Variants in SRSF5 observed in about 807,000 individuals in gnomAD.
The protein encoded by SRSF5 is serine and arginine rich splicing factor 5, also known as serine/arginine-rich splicing factor 5.
A neutral mutation model predicts 34.0 loss-of-function variants in SRSF5; 5 were observed. The observed-to-expected ratio is 0.15, with a 90% CI of 0.08 to 0.31. The LOEUF (loss-of-function observed/expected upper bound fraction) is 0.31, where lower values mean the gene tolerates loss of function less well. Ranked by LOEUF, SRSF5 falls within the 10% of genes least tolerant of loss-of-function variation. The pLI is 1.00. For missense variants in SRSF5, 223 were observed against 351.4 expected, an observed-to-expected ratio of 0.63 and a Z score of 2.92; for synonymous variants, 164 against 117.7, an observed-to-expected ratio of 1.39 and a Z score of -2.55.
In SRSF5 at chr14:69,768,788, C is replaced by T. The variant is rs776100064; in HGVS notation, c.198-10C>T. 3 of 1,613,812 alleles carry T rather than the reference C, an allele frequency of 1.9e-6. No homozygotes were observed. Among genetic ancestry groups the T allele is most frequent in the Non-Finnish European group, 2.5e-6 (3 of 1,179,812 alleles). On this transcript the variant is annotated splice_polypyrimidine_tract_variant and intron_variant, in intron 3 of 7. Transcript: ENST00000557154. The stretch of plus-strand genomic sequence containing the variant: ...AGTGTGTAACGGAGATTTTTCTTCC[C>T]TTTTTGTAGGGTTACTATTGAACAT...
chr14:69,768,140 A>T lies in SRSF5; in HGVS notation c.-17A>T. 1 of 1,614,092 alleles carries T rather than the reference A, an allele frequency of 6.2e-7. No individual in the cohort carries two copies. The highest frequency in any genetic ancestry group is 8.5e-7 in the Non-Finnish European group (1 of 1,179,974). ...TCGATTGAATTACTTTCTAATAGGA[A>T]GTACTAGCCGGACATCATGAGTGGC... On this transcript the variant is annotated splice_region_variant and 5_prime_UTR_variant, in exon 2 of 8. In the 5' UTR this introduces an upstream ATG that the reference lacks. Transcript: ENST00000557154.
chr14:69,770,370 C>T (rs1340334203), intron 5 of SRSF5, 97 bp from the exon 6 acceptor site: 1 of 1,515,344 alleles, frequency 6.6e-7, no homozygotes, highest in African/African-American at 1.4e-5. Flanking sequence ...CTTTATCTAA[C>T]ATCTTCTCTT....
At position 69,771,582 on chromosome 14, in the gene SRSF5, G is replaced by C. The variant is rs1189667794; in HGVS notation, c.*121G>C. On this transcript the variant is annotated 3_prime_UTR_variant, in exon 8 of 8. Coordinates refer to ENST00000557154, the MANE Select transcript of SRSF5 (RefSeq NM_001320214.2). ...TTTTCTGTGGGGGTGGGATTTGGAA[G>C]GGGGGTTGGGTTGGGCTGGATATCT... is the stretch of plus-strand genomic sequence containing the variant. 6.6e-6 allele frequency: 7 copies of C among 1,065,318 alleles called. No individual in the cohort carries two copies. The Admixed American group carries it at 1.9e-4, about 30-fold the overall frequency. The allele number at this position is 1,065,318 out of a possible 1,614,324, so 66.0% of individuals were successfully genotyped here.
chr14:69,769,116 C>T (rs1882908158), intron 4 of SRSF5, 66 bp from the exon 5 acceptor site: 5 of 1,577,794 alleles, frequency 3.2e-6, no homozygotes, highest in South Asian at 2.2e-5. Context: ...CTTGAACTTG[C>T]CCACAGTTGA....
rs751991744 is a variant in SRSF5, at chr14:69,771,420, CGGTCCCGATCAA to C, written c.784_795del (p.Arg264_Ser267del). On this transcript the variant is annotated inframe_deletion, in exon 8 of 8. Coordinates refer to ENST00000557154, the MANE Select transcript of SRSF5 (RefSeq NM_001320214.2). ...AGCATCTGTGGATCGCCAGAGGTCC[CGGTCCCGATCAA>C]GGTCCAGATCAGTTGACAGTGGCAA... The C allele has an allele frequency of 2.7e-5, 44 of 1,614,056 alleles. 1 individual carries two copies. Among genetic ancestry groups the C allele is most frequent in the Non-Finnish European group, 3.5e-5 (41 of 1,180,054 alleles).
chr14:69,769,927 G>A, intron 5 of SRSF5: 1 of 1,095,904 alleles, frequency 9.1e-7, no homozygotes, highest in Admixed American at 4.7e-5. Flanking sequence ...GGCTTCCATC[G>A]ATTGGGTAGT....
chr14:69,767,814 C>T lies in SRSF5; in HGVS notation c.-19-324C>T, dbSNP rs980201691. On this transcript the variant is annotated intron_variant, in intron 1 of 7. Coordinates refer to ENST00000557154, the MANE Select transcript of SRSF5 (RefSeq NM_001320214.2). ...CTGGCTTTGCGGAGGGCGCGGGCGG[C>T]TCCGCCCGCACTTCTCGGCCTTTCC... 1.4e-5 allele frequency: 5 copies of T among 358,022 alleles called. No homozygotes were observed. In the Admixed American group the frequency reaches 2.0e-4, roughly 14 times the overall value. The allele number at this position is 358,022 out of a possible 1,614,324, so 22.2% of individuals were successfully genotyped here.
At chr14:69,767,918 G>GC (rs1882725458) in intron 1 of SRSF5, 1 of 497,038 alleles carries the variant, frequency 2.0e-6, no homozygotes, top group East Asian at 3.8e-5. Context: ...AGTGGGCGTT[G>GC]CGGTTGCTGC....
chr14:69,770,401 A>T, intron 5 of SRSF5, 66 bp from the exon 6 acceptor site: 2 of 1,574,654 alleles, frequency 1.3e-6, no homozygotes, highest in Admixed American at 3.9e-5. Flanking sequence ...TGTTTTTTTT[A>T]TATCATGTGA....
In SRSF5 at chr14:69,768,916, C is replaced by T; in HGVS notation, c.296+20C>T. 5 of 1,605,146 alleles carry T rather than the reference C, an allele frequency of 3.1e-6. No homozygotes were observed. Among genetic ancestry groups the T allele is most frequent in the Non-Finnish European group, 4.3e-6 (5 of 1,171,862 alleles). ...TAGACGGTATGTGAAGGGTGGATGG[C>T]TGCATTGAACAATTATTGTAGGGGT... On this transcript the variant is annotated intron_variant, in intron 4 of 7. Transcript: ENST00000557154.
At chr14:69,769,453 A>AT in intron 5 of SRSF5, 1 of 1,532,768 alleles carries the variant, frequency 6.5e-7, no homozygotes, top group Non-Finnish European at 8.7e-7. Flanking sequence ...TTTTGAGGAT[A>AT]TTTTTCTTGT....
In SRSF5 at chr14:69,768,939, G is replaced by C. The variant is rs750501129; in HGVS notation, c.296+43G>C. 4 of 1,583,120 alleles carry C rather than the reference G, an allele frequency of 2.5e-6. No homozygotes were observed. In the Middle Eastern group the frequency reaches 6.7e-4, roughly 264 times the overall value. On this transcript the variant is annotated intron_variant, in intron 4 of 7. Transcript: ENST00000557154. ...GGCTGCATTGAACAATTATTGTAGG[G>C]GTAGCATTTAAGATTCAGGAGTCAT... is the stretch of plus-strand genomic sequence containing the variant.
Position 69,767,172 on chromosome 14 carries a change from G to A in SRSF5, c.-103G>A, listed in dbSNP as rs573817534. On this transcript the variant is annotated 5_prime_UTR_variant, in exon 1 of 8. Transcript: ENST00000557154. ...TTGTGGAGTGGCGTAGACGAGTTAA[G>A]TCCTGGTCTGCGTGGAGGTCGACGA... is the stretch of plus-strand genomic sequence containing the variant. 78 of 353,474 alleles carry A rather than the reference G, an allele frequency of 2.2e-4. No homozygotes were observed. In the East Asian group the frequency reaches 5.0e-3, roughly 23 times the overall value. 21.9% of individuals were successfully genotyped at this position (353,474 alleles called of 1,614,324 possible).
At chr14:69,770,294 C>T (rs547009229) in intron 5 of SRSF5, 173 bp from the exon 6 acceptor site, 36 of 1,399,544 alleles carry the variant, frequency 2.6e-5, no homozygotes, top group South Asian at 1.8e-4. Flanking sequence ...TTGCTTATTC[C>T]GTGCCCTGAC....
In SRSF5 at chr14:69,771,233, C is replaced by T; in HGVS notation, c.591C>T (p.Ser197=). The change falls in exon 8 of 8, where the codon TCC becomes TCT. Residue 197 remains serine (S), a synonymous_variant. Coordinates refer to ENST00000557154, the MANE Select transcript of SRSF5 (RefSeq NM_001320214.2). ...GGTCTCGATCCCGGACCAGAAGTTC[C>T]TCTAGGTCTCGTAGCCGATCCCGTT... The part of the protein sequence containing the change: ...RSRSRSRTRS[S]SRSRSRSRSR... 6 of 1,614,118 alleles carry T rather than the reference C, an allele frequency of 3.7e-6. No homozygotes were observed. The highest frequency in any genetic ancestry group is 1.1e-5 in the South Asian group (1 of 91,080).
chr14:69,770,366 C>A lies in SRSF5; in HGVS notation c.367-101C>A. 5 of 1,506,334 alleles carry A rather than the reference C, an allele frequency of 3.3e-6. No individual in the cohort carries two copies. The Admixed American group carries it at 9.4e-5, about 28-fold the overall frequency. 93.3% of individuals were successfully genotyped at this position (1,506,334 alleles called of 1,614,324 possible). On this transcript the variant is annotated intron_variant, in intron 5 of 7. Transcript: ENST00000557154. The stretch of plus-strand genomic sequence containing the variant: ...GGTAAATGCCATGTTTGTACTTTAT[C>A]TAACATCTTCTCTTTCAGTAGTCTT...
chr14:69,769,503 T>C (rs758121167), intron 5 of SRSF5: 1 of 1,535,504 alleles, frequency 6.5e-7, no homozygotes, highest in South Asian at 1.2e-5. Flanking sequence ...AAACCCTTTA[T>C]TTGCCAGCCT....
chr14:69,767,494 G>C (rs551197692), intron 1 of SRSF5: 1 of 456,048 alleles, frequency 2.2e-6, no homozygotes, highest in East Asian at 7.0e-5. Flanking sequence ...GTCCCTGCCA[G>C]TCTTAATGTC....
At chr14:69,767,755 C>G (rs1325125064) in intron 1 of SRSF5, 4 of 354,668 alleles carry the variant, frequency 1.1e-5, no homozygotes, top group Middle Eastern at 1.0e-3. Context: ...CTGGCTTCCA[C>G]CCGCTGTGAC....
Sources: allele counts gnomAD v4.1 joint callset, GRCh38; gene constraint gnomAD v4.1.1; transcripts MANE v1.5; gene names NCBI Gene and HGNC (gene_info 2026-07-23, HGNC 2026-07-21).